Variants in ZNF90 observed in about 807,000 individuals in gnomAD.
ZNF90 encodes zinc finger protein HTF9.
In ZNF90, 11 loss-of-function variants were observed where a neutral mutation model predicts 12.0. That is an observed-to-expected ratio of 0.92 (90% confidence interval 0.58 to 1.52). The LOEUF (loss-of-function observed/expected upper bound fraction) is 1.52, where lower values mean the gene tolerates loss of function less well. ZNF90 is among the 40% of genes most tolerant of loss of function. The pLI is 0.00. For synonymous variants in ZNF90, 232 were observed against 240.1 expected (o/e 0.97, Z 0.31); for missense variants, 765 against 711.5 (o/e 1.08, Z -0.86).
chr19:20,099,762 T>C (rs1305837820), intron 1 of ZNF90, among the ~76,000 whole-genome samples: 1 of 152,192 alleles, frequency 6.6e-6, no homozygotes, highest in Non-Finnish European at 1.5e-5. Flanking sequence ...GCAGGGGCCA[T>C]TGTACACTAG....
chr19:20,112,078 C>T, intron 3 of ZNF90, among the ~76,000 whole-genome samples: 1 of 152,052 alleles, frequency 6.6e-6, no homozygotes, highest in East Asian at 1.9e-4. Context: ...AGGCTGGTCG[C>T]AAGCTTCTGA....
intron 1 of ZNF90, among the ~76,000 whole-genome samples, chr19:20,083,384 ATGTTGCGATCTCGGC>A (rs2088835598): frequency 6.6e-6 from 1 of 151,630 alleles, no homozygotes; most frequent in Admixed American, 6.6e-5. Flanking sequence ...CTGCAGTGTA[ATGTTGCGATCTCGGC>A]TCATTGCAAC....
intron 3 of ZNF90, chr19:20,107,048 G>A (rs1407921636): frequency 4.4e-6 from 2 of 454,044 alleles, no homozygotes; most frequent in Admixed American, 2.4e-5. Context: ...ATGTGGATGA[G>A]TATGGCTCTG....
chr19:20,106,830 A>G (rs546344376), intron 3 of ZNF90: 5 of 451,270 alleles, frequency 1.1e-5, no homozygotes, highest in South Asian at 1.6e-5. Flanking sequence ...CTCTGAATTG[A>G]TAGTGAAGAG....
In ZNF90 at chr19:20,089,268, T is replaced by G. The variant is rs185217384; in HGVS notation, c.3+11133T>G. On this transcript the variant is annotated intron_variant, in intron 1 of 3. Coordinates refer to ENST00000418063, the MANE Select transcript of ZNF90 (RefSeq NM_007138.2). ...AACCTTTCACTGTTATTTTCGGGGC[T>G]GGGTATAAGTAAACGAGAAGAGGGC... is the stretch of plus-strand genomic sequence containing the variant. Among the ~76,000 whole-genome samples the G allele has an allele frequency of 2.7e-3, 417 of 152,148 alleles. 5 individuals carry two copies. The highest frequency in any genetic ancestry group is 9.4e-3 in the African/African-American group (391 of 41,466).
intron 1 of ZNF90, among the ~76,000 whole-genome samples, chr19:20,096,477 G>T (rs1212861823): frequency 1.3e-5 from 2 of 152,054 alleles, no homozygotes; most frequent in African/African-American, 2.4e-5. Flanking sequence ...TAGGATTTGG[G>T]TAGGTAAAGG....
At chr19:20,080,340 A>G in intron 1 of ZNF90, 1 of 488,156 alleles carries the variant, frequency 2.0e-6, no homozygotes, top group South Asian at 1.7e-5. Context: ...ACTCTGAGCC[A>G]CAGGAGAAAT....
At chr19:20,107,372 C>T (rs1387389481) in intron 3 of ZNF90, among the ~76,000 whole-genome samples, 1 of 152,094 alleles carries the variant, frequency 6.6e-6, no homozygotes, top group Non-Finnish European at 1.5e-5. Context: ...GAACAGCGGC[C>T]CTTTAGTTTC....
intron 1 of ZNF90, among the ~76,000 whole-genome samples, chr19:20,081,770 T>A (rs1031595330): frequency 6.9e-6 from 1 of 143,920 alleles, no homozygotes; most frequent in Non-Finnish European, 1.5e-5. Context: ...TTCTTTCTTC[T>A]TTTTTTTTTT....
intron 3 of ZNF90, among the ~76,000 whole-genome samples, chr19:20,110,958 A>AT (rs1260472144): frequency 6.6e-6 from 1 of 152,088 alleles, no homozygotes; most frequent in Non-Finnish European, 1.5e-5. Flanking sequence ...GTTTTCACCC[A>AT]TTTTCTAAAG....
At chr19:20,103,900 G>C (rs575035316) in intron 1 of ZNF90, among the ~76,000 whole-genome samples, 1 of 151,764 alleles carries the variant, frequency 6.6e-6, no homozygotes, top group Non-Finnish European at 1.5e-5. Context: ...CTAAGTCACC[G>C]TGTCTTTTCT....
intron 1 of ZNF90, among the ~76,000 whole-genome samples, chr19:20,095,181 A>C (rs2088933682): frequency 1.3e-5 from 2 of 152,100 alleles, no homozygotes; most frequent in Admixed American, 6.6e-5. Context: ...GAGGAATCGC[A>C]TTGGGAACAG....
chr19:20,106,160 A>G (rs1178729753), intron 3 of ZNF90, among the ~76,000 whole-genome samples: 8 of 146,502 alleles, frequency 5.5e-5, no homozygotes, highest in Non-Finnish European at 4.5e-5. Flanking sequence ...ATTTTATGAG[A>G]GTTTAAGTAT....
At chr19:20,099,540 T>G (rs902574149) in intron 1 of ZNF90, among the ~76,000 whole-genome samples, 1 of 152,242 alleles carries the variant, frequency 6.6e-6, no homozygotes, top group Non-Finnish European at 1.5e-5. Flanking sequence ...GGAAACCTGC[T>G]GGACACTGGT....
chr19:20,100,028 C>T (rs1489466018), intron 1 of ZNF90, among the ~76,000 whole-genome samples: 1 of 151,982 alleles, frequency 6.6e-6, no homozygotes, highest in African/African-American at 2.4e-5. Flanking sequence ...GATACTGAAG[C>T]CAAAAGAGCT....
At chr19:20,106,966 C>G (rs1454934405) in intron 3 of ZNF90, 1 of 454,418 alleles carries the variant, frequency 2.2e-6, no homozygotes, top group Non-Finnish European at 4.4e-6. Flanking sequence ...TCCTTCAGGA[C>G]TTTGCTCTGT....
intron 3 of ZNF90, among the ~76,000 whole-genome samples, chr19:20,111,197 CA>C (rs1443806893): frequency 6.6e-6 from 1 of 152,110 alleles, no homozygotes; most frequent in Admixed American, 6.5e-5. Context: ...CTCAGCCTCC[CA>C]AAGTGCTGGG....
chr19:20,102,804 A>T (rs184129434), intron 1 of ZNF90, among the ~76,000 whole-genome samples: 1 of 152,326 alleles, frequency 6.6e-6, no homozygotes, highest in Admixed American at 6.5e-5. Context: ...GAAAATGCTT[A>T]TTTAAATGGA....
At chr19:20,107,068 C>T (rs892129081) in intron 3 of ZNF90, 2 of 449,646 alleles carry the variant, frequency 4.4e-6, no homozygotes, top group Admixed American at 4.7e-5. Flanking sequence ...GACTGAGTAC[C>T]AGACAGCATT....
Sources: gnomAD v4.1 joint callset for allele counts (sites outside exome capture counted in the v4.1 genomes callset) on GRCh38, gnomAD v4.1.1 for gene constraint, MANE v1.5 for transcripts, NCBI Gene and HGNC (gene_info 2026-07-23, HGNC 2026-07-21) for gene names.